Variants in CACNA2D3 observed in about 807,000 individuals in gnomAD.
CACNA2D3 encodes the protein calcium voltage-gated channel auxiliary subunit alpha2delta 3, also known as voltage-dependent calcium channel subunit alpha-2/delta-3.
CACNA2D3 carries 60 observed loss-of-function variants against 160.6 expected under a neutral mutation model. The observed-to-expected ratio is 0.37, with a 90% CI of 0.30 to 0.46. CACNA2D3 has a LOEUF of 0.46. Ranked by LOEUF, CACNA2D3 falls within the 20% of genes least tolerant of loss-of-function variation. The pLI is 1.00. For synonymous variants in CACNA2D3, 558 were observed against 492.9 expected (o/e 1.13, Z -1.75); for missense variants, 1,205 against 1,365.0 (o/e 0.88, Z 1.85).
intron 13 of CACNA2D3, among the ~76,000 whole-genome samples, chr3:54,814,602 C>T (rs540712845): frequency 6.6e-6 from 1 of 152,336 alleles, no homozygotes; most frequent in East Asian, 1.9e-4. Context: ...CTGTAATTTA[C>T]ATTATTTAAA....
At chr3:54,820,222 T>C (rs1382608573) in intron 14 of CACNA2D3, among the ~76,000 whole-genome samples, 1 of 152,212 alleles carries the variant, frequency 6.6e-6, no homozygotes, top group African/African-American at 2.4e-5. Context: ...CTATTTTCTC[T>C]ATAAATATTT....
chr3:54,705,818 A>G (rs1009565500), intron 11 of CACNA2D3, among the ~76,000 whole-genome samples: 4 of 152,186 alleles, frequency 2.6e-5, no homozygotes, highest in African/African-American at 7.2e-5. Flanking sequence ...CTATGCGGAT[A>G]TGTGTCTGAA....
chr3:54,131,703 A>G (rs1251272693), intron 2 of CACNA2D3, among the ~76,000 whole-genome samples: 1 of 152,156 alleles, frequency 6.6e-6, no homozygotes, highest in Non-Finnish European at 1.5e-5. Context: ...ATGCACATTT[A>G]GTGTGGCAGG....
intron 25 of CACNA2D3, among the ~76,000 whole-genome samples, chr3:54,895,461 G>A (rs1290376532): frequency 1.3e-5 from 2 of 152,074 alleles, no homozygotes; most frequent in East Asian, 3.9e-4. Flanking sequence ...TCCAAAAGTG[G>A]GCACTCCATC....
At chr3:55,041,749 C>T (rs1398067942) in intron 35 of CACNA2D3, among the ~76,000 whole-genome samples, 1 of 151,830 alleles carries the variant, frequency 6.6e-6, no homozygotes, top group African/African-American at 2.4e-5. Context: ...AAGGTGAAAG[C>T]TTAGATCATT....
At chr3:54,372,261 TCA>T (rs1452310488) in intron 3 of CACNA2D3, among the ~76,000 whole-genome samples, 74 of 152,356 alleles carry the variant, frequency 4.9e-4, no homozygotes, top group African/African-American at 1.7e-3. Context: ...CTGTCTTAAC[TCA>T]CAAAGTGGCG....
intron 11 of CACNA2D3, among the ~76,000 whole-genome samples, chr3:54,671,424 A>T (rs370753970): frequency 6.6e-6 from 1 of 151,982 alleles, no homozygotes; most frequent in African/African-American, 2.4e-5. Context: ...TTTCTATTCT[A>T]TTCTGTAAAG....
At chr3:54,471,272 G>A (rs1220768191) in intron 4 of CACNA2D3, among the ~76,000 whole-genome samples, 1 of 152,146 alleles carries the variant, frequency 6.6e-6, no homozygotes, top group East Asian at 1.9e-4. Flanking sequence ...CAACTACATG[G>A]AAACTGAATA....
chr3:54,816,069 A>C (rs1359015998), intron 13 of CACNA2D3, among the ~76,000 whole-genome samples: 1 of 152,164 alleles, frequency 6.6e-6, no homozygotes, highest in East Asian at 1.9e-4. Flanking sequence ...CATACCTATT[A>C]ATTTCAGTTC....
chr3:54,955,623 T>G (rs1701867921), intron 27 of CACNA2D3, among the ~76,000 whole-genome samples: 1 of 152,138 alleles, frequency 6.6e-6, no homozygotes, highest in Non-Finnish European at 1.5e-5. Context: ...CTTTGGGATA[T>G]CATTCTTTGA....
chr3:54,646,126 TCTTCCTTCCTTC>T (rs375699594), intron 11 of CACNA2D3, among the ~76,000 whole-genome samples: 14 of 60,244 alleles, frequency 2.3e-4, no homozygotes, highest in Non-Finnish European at 3.9e-4. Flanking sequence ...TTCCTTCCTT[TCTTCCTTCCTTC>T]CTTCCTTCCT....
At chr3:54,865,668 A>G (rs532190670) in intron 17 of CACNA2D3, among the ~76,000 whole-genome samples, 2 of 152,376 alleles carry the variant, frequency 1.3e-5, no homozygotes, top group South Asian at 2.1e-4. Flanking sequence ...TTTATAAACA[A>G]GATACTGTTA....
chr3:54,307,069 C>A (rs1434048504), intron 2 of CACNA2D3, among the ~76,000 whole-genome samples: 1 of 152,234 alleles, frequency 6.6e-6, no homozygotes, highest in African/African-American at 2.4e-5. Flanking sequence ...CAGACTGGCT[C>A]ATTTCTCTCA....
chr3:54,143,626 A>G (rs1186891308), intron 2 of CACNA2D3, among the ~76,000 whole-genome samples: 4 of 152,096 alleles, frequency 2.6e-5, no homozygotes. Flanking sequence ...CAGCCTCCCA[A>G]GTAGCTGGGA....
chr3:54,764,852 A>G (rs1183629361), intron 13 of CACNA2D3, among the ~76,000 whole-genome samples: 1 of 152,164 alleles, frequency 6.6e-6, no homozygotes, highest in Non-Finnish European at 1.5e-5. Flanking sequence ...TAGGCACTGG[A>G]TTGTTGTTTG....
chr3:55,043,926 A>G (rs1704016735), intron 35 of CACNA2D3, among the ~76,000 whole-genome samples: 2 of 152,192 alleles, frequency 1.3e-5, no homozygotes, highest in African/African-American at 4.8e-5. Context: ...TCCAGTGACT[A>G]TATATGTATA....
At chr3:55,023,473 C>T (rs997103561) in intron 35 of CACNA2D3, among the ~76,000 whole-genome samples, 43 of 152,058 alleles carry the variant, frequency 2.8e-4, no homozygotes, top group African/African-American at 9.9e-4. Flanking sequence ...TCTTATTCTT[C>T]GGTTCTCTGT....
intron 2 of CACNA2D3, among the ~76,000 whole-genome samples, chr3:54,179,134 A>T (rs1266609213): frequency 6.6e-6 from 1 of 152,200 alleles, no homozygotes; most frequent in African/African-American, 2.4e-5. Flanking sequence ...TGTGACCCTC[A>T]TCAGAGGCCC....
At chr3:54,970,188 C>A (rs1702237570) in intron 29 of CACNA2D3, among the ~76,000 whole-genome samples, 1 of 152,030 alleles carries the variant, frequency 6.6e-6, no homozygotes, top group Non-Finnish European at 1.5e-5. Flanking sequence ...CTCTTTCCAT[C>A]CTTGCAACAA....
Sources: allele counts gnomAD v4.1 joint callset (sites outside exome capture counted in the v4.1 genomes callset), GRCh38; gene constraint gnomAD v4.1.1; transcripts MANE v1.5; gene names NCBI Gene and HGNC (gene_info 2026-07-23, HGNC 2026-07-21).